The following SLC8A2 variants were observed in gnomAD, a reference collection of about 807,000 sequenced individuals.
SLC8A2 encodes solute carrier family 8 member A2.
In SLC8A2, 14 loss-of-function variants were observed where a neutral mutation model predicts 70.2. That is an observed-to-expected ratio of 0.20 (90% CI 0.13 to 0.31). The LOEUF (loss-of-function observed/expected upper bound fraction) is 0.31. SLC8A2 is among the 10% of genes least tolerant of loss of function. The pLI is 1.00. For synonymous variants in SLC8A2, 575 were observed against 594.3 expected (o/e 0.97, Z 0.47); for missense variants, 779 against 1,320.1 (o/e 0.59, Z 6.35).
chr19:47,469,469 G>A (rs968921490), intron 1 of SLC8A2, among the ~76,000 whole-genome samples: 5 of 152,116 alleles, frequency 3.3e-5, no homozygotes, highest in Admixed American at 1.3e-4. Flanking sequence ...CCTTCCTGCT[G>A]CAGTCCTCAA....
rs904659327 is a variant in SLC8A2, at chr19:47,430,525, A to C, written c.2390-60T>G. On this transcript the variant is annotated intron_variant, in intron 9 of 9. Coordinates refer to ENST00000236877, the MANE Select transcript of SLC8A2 (RefSeq NM_015063.3). This position sits in a 1 kb window ranked among gnomAD's most constrained non-coding sequence, Gnocchi z 5.9. ...TGCGCCGCCACCCACAGGGGCGGGC[A>C]TCCGCCTGCCCCCTCCCAGCCTTTC... The C allele has an allele frequency of 2.7e-4, 392 of 1,475,338 alleles. No homozygotes were observed. The highest frequency in any genetic ancestry group is 3.4e-4 in the Non-Finnish European group (380 of 1,111,106). 91.4% of individuals were successfully genotyped at this position (1,475,338 alleles called of 1,614,324 possible).
At chr19:47,452,433 AGAGAGAGAGAGAGTGTGTGTGT>A (rs1967251338) in intron 3 of SLC8A2, among the ~76,000 whole-genome samples, 5 of 99,050 alleles carry the variant, frequency 5.0e-5, no homozygotes, top group Non-Finnish European at 5.9e-5. Flanking sequence ...AGAGAGAGAG[AGAGAGAGAGAGAGTGTGTGTGT>A]GTGTGTGTGT....
intron 2 of SLC8A2, among the ~76,000 whole-genome samples, chr19:47,458,754 C>T (rs529487994): frequency 6.6e-6 from 1 of 151,622 alleles, no homozygotes; most frequent in South Asian, 2.1e-4. Context: ...TTGTGAGTTT[C>T]TTTCTTTTTC....
chr19:47,431,429 T>C lies in SLC8A2; in HGVS notation c.2389+738A>G, dbSNP rs576092972. On this transcript the variant is annotated intron_variant, in intron 9 of 9. Transcript: ENST00000236877. Reference sequence around the variant, plus strand: ...ACTTTGGGAGGCAGAGGTGGGCGGATCACGAGGTCAGGAGTTCGAGACCAG... The same window carrying C: ...ACTTTGGGAGGCAGAGGTGGGCGGACCACGAGGTCAGGAGTTCGAGACCAG... Among the ~76,000 whole-genome samples, 25 of 150,694 alleles carry C rather than the reference T, an allele frequency of 1.7e-4. No homozygotes were observed. In the East Asian group the frequency reaches 5.1e-3, roughly 31 times the overall value.
In SLC8A2 at chr19:47,443,332, C is replaced by A. The variant is rs560221254; in HGVS notation, c.1764-1892G>T. Among the ~76,000 whole-genome samples, 10 of 152,338 alleles carry A rather than the reference C, an allele frequency of 6.6e-5. 1 individual carries two copies. In the South Asian group the frequency reaches 1.5e-3, roughly 22 times the overall value. On this transcript the variant is annotated intron_variant, in intron 4 of 9. Coordinates refer to ENST00000236877, the MANE Select transcript of SLC8A2 (RefSeq NM_015063.3). Reference sequence around the variant, plus strand: ...ACAGCCAGAAGTTACCTGTCACCTTCAGGCACATAATCCACACCCCTCGAC... The same window carrying A: ...ACAGCCAGAAGTTACCTGTCACCTTAAGGCACATAATCCACACCCCTCGAC...
At chr19:47,455,804 G>A (rs763494619) in intron 3 of SLC8A2, among the ~76,000 whole-genome samples, 1 of 152,158 alleles carries the variant, frequency 6.6e-6, no homozygotes, top group South Asian at 2.1e-4. Flanking sequence ...CACACAGTAG[G>A]TGCTCAGGAG....
intron 3 of SLC8A2, among the ~76,000 whole-genome samples, chr19:47,453,736 A>G (rs979720168): frequency 6.6e-6 from 1 of 152,140 alleles, no homozygotes; most frequent in African/African-American, 2.4e-5. Flanking sequence ...CCTTGTCTCT[A>G]CAAAACATAC....
At chr19:47,469,670 C>T (rs183898810) in intron 1 of SLC8A2, among the ~76,000 whole-genome samples, 6 of 152,340 alleles carry the variant, frequency 3.9e-5, no homozygotes, top group African/African-American at 1.4e-4. Flanking sequence ...GAGGTCTGAG[C>T]CCTGTCACCA....
chr19:47,471,155 G>A (rs942704469), intron 1 of SLC8A2, among the ~76,000 whole-genome samples: 3 of 151,402 alleles, frequency 2.0e-5, no homozygotes, highest in African/African-American at 7.3e-5. Flanking sequence ...GAGAGAGAGA[G>A]AGACATGCGG....
intron 3 of SLC8A2, among the ~76,000 whole-genome samples, chr19:47,456,613 C>CGGA (rs1255946437): frequency 1.3e-5 from 2 of 152,166 alleles, no homozygotes; most frequent in Admixed American, 6.5e-5. Context: ...TTGCAGTGAG[C>CGGA]GGAGATCTTG....
chr19:47,452,371 T>G (rs988439375), intron 3 of SLC8A2, among the ~76,000 whole-genome samples: 2 of 140,312 alleles, frequency 1.4e-5, no homozygotes, highest in Admixed American at 1.5e-4. Flanking sequence ...CATGTTACCA[T>G]GCCCAGCTTA....
rs201023895 is a variant in SLC8A2 at position 47,448,062 on chromosome 19, C to T, written c.1510G>A (p.Gly504Arg). 1.3e-6 allele frequency: 2 copies of T among 1,584,838 alleles called. No individual in the cohort carries two copies. The highest frequency in any genetic ancestry group is 1.7e-6 in the Non-Finnish European group (2 of 1,165,230). ...FEPDGGGRPK[G>R]RLVAPLLATV... ...GCCAGCAGCGGCGCCACCAGCCGCC[C>T]CTTGGGCCGCCCGCCGCCGTCCGGC... Residue 504 changes from glycine to arginine, a missense_variant, in exon 4 of 10, where the codon GGG becomes AGG. Coordinates refer to ENST00000236877, the MANE Select transcript of SLC8A2 (RefSeq NM_015063.3). The surrounding 1 kb of genome is among the most constrained non-coding windows in gnomAD (Gnocchi z 4.8).
At position 47,447,399 on chromosome 19, in the gene SLC8A2, T is replaced by C. The variant is rs1866004155; in HGVS notation, c.1763+410A>G. The C allele has an allele frequency of 4.1e-6, 1 of 245,878 alleles. No homozygotes were observed. The highest frequency in any genetic ancestry group is 7.9e-6 in the Non-Finnish European group (1 of 126,240). The allele number at this position is 245,878 out of a possible 1,614,324, so 15.2% of individuals were successfully genotyped here. ...AGGCCCCGTCCCATCTCTCCTCACC[T>C]CGTCCCCCCTTCCTCCTTGGGGCCC... On this transcript the variant is annotated intron_variant, in intron 4 of 9. Transcript: ENST00000236877. This position sits in a 1 kb window ranked among gnomAD's most constrained non-coding sequence, Gnocchi z 5.1.
intron 2 of SLC8A2, 50 bp from the exon 3 acceptor site, chr19:47,457,644 C>T (rs1293425432): frequency 8.0e-7 from 1 of 1,257,002 alleles, no homozygotes; most frequent in African/African-American, 1.6e-5. Context: ...CCTTCTCCCT[C>T]CCCGCCTCTC....
intron 4 of SLC8A2, among the ~76,000 whole-genome samples, chr19:47,441,895 A>G (rs1016328019): frequency 6.6e-6 from 1 of 152,218 alleles, no homozygotes; most frequent in Non-Finnish European, 1.5e-5. Flanking sequence ...CGAGGTCAAG[A>G]GATTGAGACC....
intron 2 of SLC8A2, among the ~76,000 whole-genome samples, chr19:47,464,376 T>C: frequency 6.6e-6 from 1 of 152,156 alleles, no homozygotes; most frequent in East Asian, 1.9e-4. Flanking sequence ...CCTCCCAAAG[T>C]GCTAGGATTA....
In SLC8A2 at chr19:47,432,112, G is replaced by T; in HGVS notation, c.2389+55C>A. 1 of 1,505,378 alleles carries T rather than the reference G, an allele frequency of 6.6e-7. No individual in the cohort carries two copies. The highest frequency in any genetic ancestry group is 9.0e-7 in the Non-Finnish European group (1 of 1,108,220). The allele number at this position is 1,505,378 out of a possible 1,614,324, so 93.3% of individuals were successfully genotyped here. The stretch of plus-strand genomic sequence containing the variant: ...CCTCATTTTGGCAGGATCCTGTGTT[G>T]CCCCTGCCTGGCTCATCTGAGATCC... On this transcript the variant is annotated intron_variant, in intron 9 of 9. Transcript: ENST00000236877. This position sits in a 1 kb window ranked among gnomAD's most constrained non-coding sequence, Gnocchi z 6.2.
chr19:47,471,308 G>T (rs1599863381), intron 1 of SLC8A2, among the ~76,000 whole-genome samples: 1 of 152,058 alleles, frequency 6.6e-6, no homozygotes, highest in East Asian at 1.9e-4. Context: ...CCAGGACTTA[G>T]AGACAGAGCC....
At chr19:47,459,204 T>TTCTC (rs71334204) in intron 2 of SLC8A2, among the ~76,000 whole-genome samples, 3 of 151,236 alleles carry the variant, frequency 2.0e-5, no homozygotes, top group African/African-American at 7.3e-5. Flanking sequence ...CTCCATCTCG[T>TTCTC]TCTCTCTCTC....
Sources: allele counts gnomAD v4.1 joint callset (sites outside exome capture counted in the v4.1 genomes callset), GRCh38; gene constraint gnomAD v4.1.1; non-coding constraint Gnocchi (gnomAD v3.1); transcripts MANE v1.5; gene names NCBI Gene and HGNC (gene_info 2026-07-23, HGNC 2026-07-21).